The following FPR2 variants were observed in gnomAD, a reference collection of about 807,000 sequenced individuals.
FPR2 encodes the protein N-formyl peptide receptor 2.
Under a neutral mutation model 4.0 loss-of-function variants are expected in FPR2, and 3 were observed. That is an observed-to-expected ratio of 0.74 (90% CI 0.34 to 1.92). FPR2 has a LOEUF of 1.92. FPR2 is among the 30% of genes most tolerant of loss of function. The probability of loss-of-function intolerance (pLI) is 0.07; values close to 1 mark genes in which losing one functional copy is unlikely to be tolerated. For missense variants in FPR2, 372 were observed against 435.7 expected (o/e 0.85, Z 1.30); for synonymous variants, 179 against 171.5 (o/e 1.04, Z -0.34).
chr19:51,764,044 C>T (rs1416556970), intron 1 of FPR2, among the ~76,000 whole-genome samples: 1 of 152,154 alleles, frequency 6.6e-6, no homozygotes, highest in Non-Finnish European at 1.5e-5. Context: ...CAGGTGTGAG[C>T]CACGGCACCT....
At position 51,769,533 on chromosome 19, in the gene FPR2, T is replaced by C. The variant is rs747937832; in HGVS notation, c.875T>C (p.Phe292Ser). Residue 292 changes from phenylalanine (F) to serine (S), a missense_variant, in exon 2 of 2, where the codon TTC becomes TCC. By Grantham distance (155) the Phe-to-Ser change is radical. Coordinates refer to ENST00000340023, the MANE Select transcript of FPR2 (RefSeq NM_001005738.2). This position sits in a 1 kb window ranked among gnomAD's most constrained non-coding sequence, Gnocchi z 4.4. ...GTTAACCCAACGAGCTCCCTGGCCTTCTTCAACAGCTGCCTCAACCCCATG... is the reference window on the plus strand; with the variant it reads ...GTTAACCCAACGAGCTCCCTGGCCTCCTTCAACAGCTGCCTCAACCCCATG... ...ILVNPTSSLA[F>S]FNSCLNPMLY... 6.2e-7 allele frequency: 1 copy of C among 1,614,076 alleles called. No individual in the cohort carries two copies. Among genetic ancestry groups the C allele is most frequent in the African/African-American group, 1.3e-5 (1 of 74,930 alleles).
intron 1 of FPR2, among the ~76,000 whole-genome samples, chr19:51,766,279 G>C (rs1458860364): frequency 6.6e-6 from 1 of 152,190 alleles, no homozygotes; most frequent in Non-Finnish European, 1.5e-5. Context: ...CCTCCGAGGG[G>C]ACCTTTGACA....
chr19:51,769,415 T>A lies in FPR2; in HGVS notation c.757T>A (p.Cys253Ser), dbSNP rs2083888374. 6.2e-7 allele frequency: 1 copy of A among 1,614,256 alleles called. No individual in the cohort carries two copies. Among genetic ancestry groups the A allele is most frequent in the Non-Finnish European group, 8.5e-7 (1 of 1,180,034 alleles). The change falls in exon 2 of 2, where the codon TGT becomes AGT. Residue 253 changes from cysteine to serine, a missense_variant. Cys to Ser is a moderately radical substitution (Grantham distance 112). Transcript: ENST00000340023. The surrounding 1 kb of genome is among the most constrained non-coding windows in gnomAD (Gnocchi z 4.4). ...TGCTGTGGTGGCTTCTTTCTTCATC[T>A]GTTGGTTTCCCTTTCAACTGGTTGC... is the stretch of plus-strand genomic sequence containing the variant. Reference protein sequence around the residue: ...LTAVVASFFICWFPFQLVALL... With the variant: ...LTAVVASFFISWFPFQLVALL...
intron 1 of FPR2, 146 bp from the exon 2 acceptor site, chr19:51,768,499 A>G: frequency 1.5e-6 from 1 of 653,256 alleles, no homozygotes. Flanking sequence ...TGCCAATTCT[A>G]TAGCACCGTT....
At chr19:51,763,701 G>T (rs569703296) in intron 1 of FPR2, among the ~76,000 whole-genome samples, 2 of 152,270 alleles carry the variant, frequency 1.3e-5, no homozygotes, top group East Asian at 3.9e-4. Context: ...GATCTTTTTG[G>T]TTGTTTTTTG....
chr19:51,769,918 C>A lies in FPR2; in HGVS notation c.*204C>A, dbSNP rs1599818700. 1 of 591,282 alleles carries A rather than the reference C, an allele frequency of 1.7e-6. No individual in the cohort carries two copies. Among genetic ancestry groups the A allele is most frequent in the Admixed American group, 3.0e-5 (1 of 32,960 alleles). 36.6% of individuals were successfully genotyped at this position (591,282 alleles called of 1,614,324 possible). A position where few individuals can be genotyped will look rare whatever the true frequency, so the allele number is the denominator to read the frequency against. On this transcript the variant is annotated 3_prime_UTR_variant, in exon 2 of 2. Coordinates refer to ENST00000340023, the MANE Select transcript of FPR2 (RefSeq NM_001005738.2). The surrounding 1 kb of genome is among the most constrained non-coding windows in gnomAD (Gnocchi z 4.4). ...ATTAGTGTTATTTTTTGTTTTTTGA[C>A]TTCTGCCTATACCCTGGGGTAAGTG...
intron 1 of FPR2, among the ~76,000 whole-genome samples, chr19:51,766,901 T>A (rs1052286468): frequency 5.9e-5 from 9 of 152,224 alleles, no homozygotes; most frequent in Non-Finnish European, 1.3e-4. Flanking sequence ...CACATACAGA[T>A]TCTAGAATGA....
intron 1 of FPR2, among the ~76,000 whole-genome samples, chr19:51,765,743 G>A (rs1045417140): frequency 6.6e-6 from 1 of 152,142 alleles, no homozygotes; most frequent in African/African-American, 2.4e-5. Context: ...ACTCAGTCTA[G>A]CCTAAAAGAT....
intron 1 of FPR2, chr19:51,768,435 G>C (rs1318127464): frequency 1.9e-6 from 1 of 532,278 alleles, no homozygotes; most frequent in African/African-American, 1.9e-5. Context: ...AATGCATATT[G>C]ATAATGATGG....
intron 1 of FPR2, among the ~76,000 whole-genome samples, chr19:51,765,380 T>TA (rs2083862746): frequency 6.6e-6 from 1 of 152,222 alleles, no homozygotes; most frequent in Non-Finnish European, 1.5e-5. Context: ...GTACAATGGT[T>TA]ATACTAATTA....
Position 51,768,646 on chromosome 19 carries a change from T to C in FPR2, c.-13T>C, listed in dbSNP as rs1409685898. Reference sequence around the variant, plus strand: ...ATGGCCATTGTTGGAATGTTTCAGGTGCTGCTGGCAAGATGGAAACCAACT... The same window carrying C: ...ATGGCCATTGTTGGAATGTTTCAGGCGCTGCTGGCAAGATGGAAACCAACT... On this transcript the variant is annotated splice_region_variant and 5_prime_UTR_variant, in exon 2 of 2. Coordinates refer to ENST00000340023, the MANE Select transcript of FPR2 (RefSeq NM_001005738.2). The C allele has an allele frequency of 6.3e-7, 1 of 1,584,558 alleles. No homozygotes were observed. The highest frequency in any genetic ancestry group is 8.6e-7 in the Non-Finnish European group (1 of 1,163,364).
At chr19:51,763,694 C>A (rs912262412) in intron 1 of FPR2, among the ~76,000 whole-genome samples, 1 of 152,020 alleles carries the variant, frequency 6.6e-6, no homozygotes, top group Non-Finnish European at 1.5e-5. Flanking sequence ...AGTCCAAGAT[C>A]TTTTTGGTTG....
Position 51,769,754 on chromosome 19 carries a change from C to T in FPR2, c.*40C>T. Reference sequence around the variant, plus strand: ...ATATTTTGAGTTCTGTTCATCCTACCCTAATGCCAGTTCCAGCTTCATCTA... The same window carrying T: ...ATATTTTGAGTTCTGTTCATCCTACTCTAATGCCAGTTCCAGCTTCATCTA... On this transcript the variant is annotated 3_prime_UTR_variant, in exon 2 of 2. Transcript: ENST00000340023. This position sits in a 1 kb window ranked among gnomAD's most constrained non-coding sequence, Gnocchi z 4.4. 1 of 1,536,244 alleles carries T rather than the reference C, an allele frequency of 6.5e-7. No individual in the cohort carries two copies. The highest frequency in any genetic ancestry group is 1.7e-4 in the Middle Eastern group (1 of 5,892).
chr19:51,768,525 T>C (rs2083879970), intron 1 of FPR2, 120 bp from the exon 2 acceptor site: 5 of 768,136 alleles, frequency 6.5e-6, no homozygotes, highest in Non-Finnish European at 1.0e-5. Context: ...CAAGGCTTGG[T>C]AGATAGAGTG....
intron 1 of FPR2, among the ~76,000 whole-genome samples, chr19:51,763,712 T>C (rs1334709948): frequency 2.0e-5 from 3 of 152,098 alleles, no homozygotes; most frequent in Non-Finnish European, 2.9e-5. Flanking sequence ...TTGTTTTTTG[T>C]TTTGTTTTTT....
intron 1 of FPR2, among the ~76,000 whole-genome samples, chr19:51,761,547 C>T (rs1599814459): frequency 3.9e-5 from 6 of 152,116 alleles, no homozygotes; most frequent in African/African-American, 1.4e-4. Flanking sequence ...AATGATTTTA[C>T]TTTTTTAACA....
chr19:51,764,422 G>A (rs1344177916), intron 1 of FPR2, among the ~76,000 whole-genome samples: 17 of 152,320 alleles, frequency 1.1e-4, no homozygotes. Flanking sequence ...GAGAAAGCAG[G>A]ACTGAAATAA....
chr19:51,762,841 A>C (rs1434850506), intron 1 of FPR2: 4 of 152,258 alleles, frequency 2.6e-5, no homozygotes, highest in African/African-American at 9.6e-5. Flanking sequence ...AGAGATAGAG[A>C]TGGCTCTGGC....
At chr19:51,763,016 A>C (rs1043416872) in intron 1 of FPR2, 1 of 152,188 alleles carries the variant, frequency 6.6e-6, no homozygotes, top group African/African-American at 2.4e-5. Context: ...TGGGAGGATG[A>C]GACAATCAAC....
Sources: gnomAD v4.1 joint callset for allele counts (sites outside exome capture counted in the v4.1 genomes callset) on GRCh38, gnomAD v4.1.1 for gene constraint, Gnocchi (gnomAD v3.1) non-coding constraint, MANE v1.5 for transcripts, NCBI Gene and HGNC (gene_info 2026-07-23, HGNC 2026-07-21) for gene names.